Variants in GDA observed in about 807,000 individuals in gnomAD.
GDA encodes the protein cytoplasmic PSD-95 interactor.
In GDA, 18 loss-of-function variants were observed where a neutral mutation model predicts 59.6. The ratio of observed to expected loss-of-function variants is 0.30; its 90% CI spans 0.21 to 0.45. The LOEUF is 0.45. Ranked by LOEUF, GDA falls within the 20% of genes least tolerant of loss-of-function variation. The pLI, the probability that GDA is intolerant of heterozygous loss-of-function variation, is 1.00. For synonymous variants in GDA, 201 were observed against 201.1 expected, an observed-to-expected ratio of 1.00 and a Z score of 0.00; for missense variants, 427 against 552.3, an observed-to-expected ratio of 0.77 and a Z score of 2.27.
chr9:72,116,379 C>T (rs1419105354), intron 1 of GDA, among the ~76,000 whole-genome samples: 1 of 141,906 alleles, frequency 7.0e-6, no homozygotes. Flanking sequence ...TATGAAGTTT[C>T]CCCAGCCTTT....
intron 6 of GDA, among the ~76,000 whole-genome samples, chr9:72,222,381 G>A (rs992560127): frequency 6.6e-6 from 1 of 152,036 alleles, no homozygotes; most frequent in Non-Finnish European, 1.5e-5. Context: ...AAAAGTGTCT[G>A]TTCATGTGCT....
chr9:72,133,012 C>T (rs998684799), intron 1 of GDA, among the ~76,000 whole-genome samples: 1 of 151,932 alleles, frequency 6.6e-6, no homozygotes, highest in Non-Finnish European at 1.5e-5. Context: ...TTTAGTTGGC[C>T]AGGTGCAGTG....
At chr9:72,198,685 C>T (rs1347237450) in intron 2 of GDA, among the ~76,000 whole-genome samples, 2 of 151,778 alleles carry the variant, frequency 1.3e-5, no homozygotes, top group Non-Finnish European at 1.5e-5. Flanking sequence ...CCCATGATGC[C>T]ATTGCATTAC....
At chr9:72,216,129 T>A (rs1836077862) in intron 5 of GDA, among the ~76,000 whole-genome samples, 1 of 151,914 alleles carries the variant, frequency 6.6e-6, no homozygotes, top group Non-Finnish European at 1.5e-5. Context: ...TGCCCAAGAG[T>A]CTCATATGTG....
intron 5 of GDA, among the ~76,000 whole-genome samples, chr9:72,217,513 A>G (rs1836283210): frequency 6.6e-6 from 1 of 152,234 alleles, no homozygotes; most frequent in African/African-American, 2.4e-5. Context: ...CTATTTGCCA[A>G]GGTCACTGTG....
rs756736155 is a variant in GDA, at chr9:72,228,052, A to G, written c.920+12A>G. ...AATTCTAATTTATCGTAAGTAGACA[A>G]TGATTGTTTGGTAGATTACGAATGA... is the stretch of plus-strand genomic sequence containing the variant. On this transcript the variant is annotated intron_variant, in intron 9 of 13. Transcript: ENST00000358399. 5 of 1,405,708 alleles carry G rather than the reference A, an allele frequency of 3.6e-6. No homozygotes were observed. Among genetic ancestry groups the G allele is most frequent in the Non-Finnish European group, 4.0e-6 (4 of 992,436 alleles). 87.1% of individuals were successfully genotyped at this position (1,405,708 alleles called of 1,614,324 possible).
intron 1 of GDA, among the ~76,000 whole-genome samples, chr9:72,139,456 C>A (rs1021111773): frequency 2.0e-5 from 3 of 152,146 alleles, no homozygotes; most frequent in Admixed American, 6.5e-5. Flanking sequence ...GTGACCACAC[C>A]TCTAACCTGA....
intron 1 of GDA, among the ~76,000 whole-genome samples, chr9:72,152,147 T>G (rs1263442291): frequency 4.6e-5 from 7 of 152,160 alleles, no homozygotes; most frequent in Non-Finnish European, 1.0e-4. Flanking sequence ...AACACATAGT[T>G]TCTGTGATGG....
rs536445189 is a variant in GDA, at chr9:72,183,739, C to T, written c.124-11761C>T. 2.6e-5 allele frequency among the ~76,000 whole-genome samples: 4 copies of T among 152,128 alleles called. No individual in the cohort carries two copies. The South Asian group carries it at 6.2e-4, about 24-fold the overall frequency. On this transcript the variant is annotated intron_variant, in intron 1 of 13. Coordinates refer to ENST00000358399, the MANE Select transcript of GDA (RefSeq NM_004293.5). ...TTCTTGTGAGGTTTAAACAAGTTAACACATGTAAAGTATGTAGGATGGTGT... is the reference window on the plus strand; with the variant it reads ...TTCTTGTGAGGTTTAAACAAGTTAATACATGTAAAGTATGTAGGATGGTGT...
chr9:72,222,340 G>T (rs957353799), intron 6 of GDA, among the ~76,000 whole-genome samples: 2 of 151,996 alleles, frequency 1.3e-5, no homozygotes, highest in African/African-American at 4.8e-5. Flanking sequence ...TCATGTGATT[G>T]TTGGCTGCAT....
intron 1 of GDA, among the ~76,000 whole-genome samples, chr9:72,131,600 A>C (rs1242886145): frequency 6.6e-6 from 1 of 151,872 alleles, no homozygotes; most frequent in Non-Finnish European, 1.5e-5. Flanking sequence ...AGCCTGCACA[A>C]ATGGCCCACT....
chr9:72,181,278 C>T (rs1463977701), intron 1 of GDA, among the ~76,000 whole-genome samples: 1 of 152,082 alleles, frequency 6.6e-6, no homozygotes, highest in Non-Finnish European at 1.5e-5. Context: ...GTTCCCTTCC[C>T]TTATCACCAT....
At position 72,248,979 on chromosome 9, in the gene GDA, G is replaced by A; in HGVS notation, c.*637G>A. ...TGCTTTGCCTTCTTTGGCGATGAAT[G>A]TCAGAAATTGAATGCCACATGCTTT... On this transcript the variant is annotated 3_prime_UTR_variant, in exon 14 of 14. Coordinates refer to ENST00000358399, the MANE Select transcript of GDA (RefSeq NM_004293.5). 2 of 984,210 alleles carry A rather than the reference G, an allele frequency of 2.0e-6. No homozygotes were observed. The highest frequency in any genetic ancestry group is 2.4e-6 in the Non-Finnish European group (2 of 828,444). 61.0% of individuals were successfully genotyped at this position (984,210 alleles called of 1,614,324 possible).
chr9:72,227,970 T>C lies in GDA; in HGVS notation c.850T>C (p.Ser284Pro). 1 of 1,608,408 alleles carries C rather than the reference T, an allele frequency of 6.2e-7. No individual in the cohort carries two copies. The highest frequency in any genetic ancestry group is 8.5e-7 in the Non-Finnish European group (1 of 1,175,178). ...AGTGATGGCACACGGCTGCTACCTC[T>C]CTGCAGAAGAACTGAACGTATTCCA... ...KTVMAHGCYL[S>P]AEELNVFHER... The change falls in exon 9 of 14, where the codon TCT becomes CCT. Residue 284 changes from serine to proline, a missense_variant. Transcript: ENST00000358399.
intron 1 of GDA, among the ~76,000 whole-genome samples, chr9:72,157,103 G>T (rs1283274757): frequency 7.1e-6 from 1 of 140,742 alleles, no homozygotes; most frequent in African/African-American, 2.7e-5. Flanking sequence ...GCAGTGGCGC[G>T]ATCTTAGCTC....
At chr9:72,195,458 C>T (rs1833052011) in intron 1 of GDA, 42 bp from the exon 2 acceptor site, 2 of 755,912 alleles carry the variant, frequency 2.6e-6, no homozygotes, top group South Asian at 3.5e-5. Flanking sequence ...GACTGTGACT[C>T]ACTAATATGT....
At chr9:72,132,011 C>T (rs746756211) in intron 1 of GDA, among the ~76,000 whole-genome samples, 5 of 152,106 alleles carry the variant, frequency 3.3e-5, no homozygotes, top group South Asian at 4.2e-4. Flanking sequence ...AGTTTCTGCA[C>T]GGGAACTGCT....
At chr9:72,134,217 A>G (rs1187917113) in intron 1 of GDA, among the ~76,000 whole-genome samples, 1 of 152,194 alleles carries the variant, frequency 6.6e-6, no homozygotes, top group Non-Finnish European at 1.5e-5. Context: ...CAAAGGCCCA[A>G]GAACCTTAGA....
Position 72,249,893 on chromosome 9 carries a change from AT to A in GDA, c.*1554del. The A allele has an allele frequency of 1.0e-6, 1 of 972,366 alleles. No individual in the cohort carries two copies. Among genetic ancestry groups the A allele is most frequent in the Non-Finnish European group, 1.2e-6 (1 of 817,980 alleles). The allele number at this position is 972,366 out of a possible 1,614,324, so 60.2% of individuals were successfully genotyped here. A position where few individuals can be genotyped will look rare whatever the true frequency, so the allele number is the denominator to read the frequency against. On this transcript the variant is annotated 3_prime_UTR_variant, in exon 14 of 14. Transcript: ENST00000358399. ...AATTTTATTTTCACATACTTAGCTAATTTAGCAGTAATTGGCCCAGTTTTTT... is the reference window on the plus strand; with the variant it reads ...AATTTTATTTTCACATACTTAGCTAATTAGCAGTAATTGGCCCAGTTTTTT...
Sources: allele counts gnomAD v4.1 joint callset (sites outside exome capture counted in the v4.1 genomes callset), GRCh38; gene constraint gnomAD v4.1.1; transcripts MANE v1.5; gene names NCBI Gene and HGNC (gene_info 2026-07-23, HGNC 2026-07-21).